Variants in ABCA13 observed in about 807,000 individuals in gnomAD.
The protein encoded by ABCA13 is ATP binding cassette subfamily A member 13, also known as ATP-binding cassette sub-family A member 13.
ABCA13 carries 476 observed loss-of-function variants against 478.7 expected under a neutral mutation model. That is an observed-to-expected ratio of 0.99 (90% CI 0.92 to 1.07). The LOEUF is 1.07. Among genes scored for constraint, ABCA13 ranks in the 50% least tolerant of loss-of-function variants. The pLI, the probability that ABCA13 is intolerant of heterozygous loss-of-function variation, is 0.00. For missense variants in ABCA13, 6,060 were observed against 5,910.6 expected, an observed-to-expected ratio of 1.03 and a Z score of -0.83; for synonymous variants, 2,252 against 2,158.9, an observed-to-expected ratio of 1.04 and a Z score of -1.20.
At chr7:48,311,580 T>C (rs1253474312) in intron 24 of ABCA13, among the ~76,000 whole-genome samples, 1 of 152,126 alleles carries the variant, frequency 6.6e-6, no homozygotes, top group Non-Finnish European at 1.5e-5. Flanking sequence ...CCCACATAAT[T>C]ACTGTGACAA....
intron 29 of ABCA13, among the ~76,000 whole-genome samples, chr7:48,342,625 TG>T (rs955889727): frequency 1.3e-5 from 2 of 152,170 alleles, no homozygotes; most frequent in African/African-American, 4.8e-5. Context: ...ATCTTATATT[TG>T]GGGAAAGTCT....
intron 29 of ABCA13, among the ~76,000 whole-genome samples, chr7:48,345,261 G>A (rs1807889082): frequency 6.6e-6 from 1 of 152,182 alleles, no homozygotes; most frequent in African/African-American, 2.4e-5. Context: ...TATTATTGGT[G>A]TATGTGTTTA....
chr7:48,351,695 G>A (rs1489948896), intron 30 of ABCA13, among the ~76,000 whole-genome samples: 1 of 152,144 alleles, frequency 6.6e-6, no homozygotes, highest in Non-Finnish European at 1.5e-5. Flanking sequence ...TGAGGTACTG[G>A]GGGTTAGGAC....
intron 51 of ABCA13, among the ~76,000 whole-genome samples, chr7:48,515,505 G>A (rs1330781429): frequency 6.6e-6 from 1 of 152,116 alleles, no homozygotes; most frequent in Non-Finnish European, 1.5e-5. Context: ...GACACATGTG[G>A]GGACTGCTTC....
intron 56 of ABCA13, among the ~76,000 whole-genome samples, chr7:48,581,505 G>A (rs1788710066): frequency 1.3e-5 from 2 of 152,148 alleles, no homozygotes; most frequent in Admixed American, 1.3e-4. Flanking sequence ...TTTTTAATCG[G>A]TGTTTATCTC....
chr7:48,525,540 T>G (rs1585702128), intron 54 of ABCA13, among the ~76,000 whole-genome samples: 1 of 152,238 alleles, frequency 6.6e-6, no homozygotes, highest in East Asian at 1.9e-4. Flanking sequence ...GGAAACTGTC[T>G]GTTTTTATGC....
chr7:48,269,190 G>A, intron 16 of ABCA13, 96 bp downstream of exon 16: 1 of 675,310 alleles, frequency 1.5e-6, no homozygotes, highest in South Asian at 1.9e-5. Flanking sequence ...TAAAATTTAT[G>A]AGCCTGATTT....
chr7:48,337,379 G>T (rs889328237), intron 28 of ABCA13, among the ~76,000 whole-genome samples: 2 of 152,188 alleles, frequency 1.3e-5, no homozygotes, highest in African/African-American at 4.8e-5. Context: ...AATGCCCAGT[G>T]AAGGAAGATA....
intron 30 of ABCA13, 53 bp downstream of exon 30, chr7:48,350,872 G>A: frequency 6.4e-7 from 1 of 1,551,372 alleles, no homozygotes; most frequent in Non-Finnish European, 8.7e-7. Flanking sequence ...CCTGTAAGTT[G>A]TCATTTTGGG....
chr7:48,367,858 G>T lies in ABCA13; in HGVS notation c.10753G>T (p.Ala3585Ser). ...GATGCTGACGTGGATGGTGTCTGTG[G>T]CCAGCATGGTCAGAAAGTTGGTGTA... ...IMMLTWMVSV[A>S]SMVRKLVYEQ... The change falls in exon 32 of 62, where the codon GCC becomes TCC. Residue 3585 changes from alanine to serine, a missense_variant. Physicochemically the swap from Ala to Ser is moderately conservative, Grantham distance 99. Coordinates refer to ENST00000435803, the MANE Select transcript of ABCA13 (RefSeq NM_152701.5). 1 of 1,582,988 alleles carries T rather than the reference G, an allele frequency of 6.3e-7. No homozygotes were observed.
chr7:48,467,177 A>G (rs1329764246), intron 44 of ABCA13, 132 bp downstream of exon 44: 1 of 871,430 alleles, frequency 1.1e-6, no homozygotes, highest in Non-Finnish European at 1.9e-6. Flanking sequence ...AAATTAGCCT[A>G]ATGACTAGGT....
At position 48,229,924 on chromosome 7, in the gene ABCA13, A is replaced by C. The variant is rs1041010216; in HGVS notation, c.732A>C (p.Thr244=). 1.3e-5 allele frequency: 21 copies of C among 1,613,884 alleles called. No homozygotes were observed. Among genetic ancestry groups the C allele is most frequent in the Non-Finnish European group, 1.7e-5 (20 of 1,179,872 alleles). Residue 244 remains threonine (T), a synonymous_variant, in exon 7 of 62, where the codon ACA becomes ACC. Coordinates refer to ENST00000435803, the MANE Select transcript of ABCA13 (RefSeq NM_152701.5). ...TGAATGTGACCATTTCGACACTGAC[A>C]TTTCTGCAGCAACATGGAGTAGCAG... is the stretch of plus-strand genomic sequence containing the variant. ...LVLNVTISTL[T]FLQQHGVAVT...
chr7:48,280,395 G>A (rs984944383), intron 18 of ABCA13, among the ~76,000 whole-genome samples: 1 of 152,140 alleles, frequency 6.6e-6, no homozygotes, highest in African/African-American at 2.4e-5. Context: ...CAGACTTCAC[G>A]TGGTTGATCC....
intron 42 of ABCA13, among the ~76,000 whole-genome samples, chr7:48,435,075 T>G (rs1238309415): frequency 6.6e-6 from 1 of 151,886 alleles, no homozygotes; most frequent in Non-Finnish European, 1.5e-5. Context: ...TTGTATTGAT[T>G]AGTTTAGATA....
intron 53 of ABCA13, among the ~76,000 whole-genome samples, chr7:48,522,529 T>G (rs1487066947): frequency 6.6e-6 from 1 of 152,178 alleles, no homozygotes; most frequent in Non-Finnish European, 1.5e-5. Context: ...AAAGTTCTGC[T>G]ATACCTAGGT....
chr7:48,501,248 CTG>C (rs1448860511), intron 48 of ABCA13, among the ~76,000 whole-genome samples: 1 of 152,134 alleles, frequency 6.6e-6, no homozygotes, highest in Admixed American at 6.5e-5. Context: ...TTCCTAAACA[CTG>C]TGGTCTAAGC....
intron 55 of ABCA13, among the ~76,000 whole-genome samples, 172 bp from the exon 56 acceptor site, chr7:48,580,052 G>A (rs533980264): frequency 6.6e-6 from 1 of 152,194 alleles, no homozygotes; most frequent in African/African-American, 2.4e-5. Flanking sequence ...GCCTATTTTG[G>A]GGTGACTTCT....
In ABCA13 at chr7:48,240,932, G is replaced by A. The variant is rs1404462330; in HGVS notation, c.1128G>A (p.Leu376=). ...QKTLTGMGHS[L]EALRNQFEEE... is the part of the protein sequence containing the mutation. ...CACTCACAGGCATGGGCCATAGTCTGGAGGCTCTCAGGAATCAGTTTGAAG... is the reference window on the plus strand; with the variant it reads ...CACTCACAGGCATGGGCCATAGTCTAGAGGCTCTCAGGAATCAGTTTGAAG... Residue 376 remains leucine, a synonymous_variant, in exon 10 of 62, where the codon CTG becomes CTA. Transcript: ENST00000435803. 1 of 1,613,388 alleles carries A rather than the reference G, an allele frequency of 6.2e-7. No individual in the cohort carries two copies. Among genetic ancestry groups the A allele is most frequent in the South Asian group, 1.1e-5 (1 of 90,978 alleles).
intron 55 of ABCA13, among the ~76,000 whole-genome samples, chr7:48,540,623 T>C (rs1198620864): frequency 6.6e-6 from 1 of 152,132 alleles, no homozygotes; most frequent in African/African-American, 2.4e-5. Context: ...TTGAAACACA[T>C]CTACTCATTC....
Sources: allele counts gnomAD v4.1 joint callset (sites outside exome capture counted in the v4.1 genomes callset), GRCh38; gene constraint gnomAD v4.1.1; transcripts MANE v1.5; gene names NCBI Gene and HGNC (gene_info 2026-07-23, HGNC 2026-07-21).